COL4A2: variants seen among roughly 807,000 people sequenced by gnomAD.
The protein encoded by COL4A2 is collagen alpha-2(IV) chain.
A neutral mutation model predicts 200.2 loss-of-function variants in COL4A2; 99 were observed. That is an observed-to-expected ratio of 0.49 (90% confidence interval 0.42 to 0.58). The LOEUF is 0.58. COL4A2 is among the 20% of genes least tolerant of loss of function. The pLI is 0.00. For missense variants in COL4A2, 1,950 were observed against 2,314.1 expected (o/e 0.84, Z 3.23); for synonymous variants, 897 against 900.6 (o/e 1.00, Z 0.07).
At chr13:110,374,684 A>G (rs1878160608) in intron 4 of COL4A2, among the ~76,000 whole-genome samples, 1 of 152,154 alleles carries the variant, frequency 6.6e-6, no homozygotes, top group Non-Finnish European at 1.5e-5. Context: ...AAGGTTCTCC[A>G]AATATAGCAA....
At chr13:110,310,362 G>A (rs1303376181) in intron 3 of COL4A2, among the ~76,000 whole-genome samples, 1 of 152,206 alleles carries the variant, frequency 6.6e-6, no homozygotes, top group Non-Finnish European at 1.5e-5. Flanking sequence ...CTCCCCACAT[G>A]ATACCAGAAT....
At chr13:110,425,568 G>A (rs1028745273) in intron 6 of COL4A2, among the ~76,000 whole-genome samples, 5 of 152,220 alleles carry the variant, frequency 3.3e-5, no homozygotes, top group Admixed American at 1.3e-4. Context: ...GGACCCACGA[G>A]CAGATTTCCC....
In COL4A2 at chr13:110,450,331, A is replaced by G. The variant is rs1566539898; in HGVS notation, c.1216A>G (p.Met406Val). 30 of 1,613,780 alleles carry G rather than the reference A, an allele frequency of 1.9e-5. No homozygotes were observed. The highest frequency in any genetic ancestry group is 4.0e-5 in the African/African-American group (3 of 74,992). ...GDQRRGLPGE[M>V]GPKGFIGDPG... ...TCAGAGGAGAGGCCTGCCGGGTGAGATGGGACCCAAGGGCTTCATCGGAGA... is the reference window on the plus strand; with the variant it reads ...TCAGAGGAGAGGCCTGCCGGGTGAGGTGGGACCCAAGGGCTTCATCGGAGA... The change falls in exon 20 of 48, where the codon ATG becomes GTG. Residue 406 changes from methionine to valine, a missense_variant. This residue lies in a region of COL4A2 where 565 missense variants were observed against 593.5 expected (regional missense o/e 0.95). Transcript: ENST00000360467.
intron 29 of COL4A2, among the ~76,000 whole-genome samples, chr13:110,474,788 C>A (rs1882629492): frequency 1.3e-5 from 2 of 148,486 alleles, no homozygotes; most frequent in Non-Finnish European, 3.0e-5. Flanking sequence ...CACACACGTG[C>A]CTGTGTACAC....
chr13:110,364,730 T>G (rs1268208915), intron 4 of COL4A2, among the ~76,000 whole-genome samples: 3 of 152,220 alleles, frequency 2.0e-5, no homozygotes, highest in Admixed American at 6.5e-5. Flanking sequence ...CTATCTAGAA[T>G]AGTCTTACAC....
intron 16 of COL4A2, among the ~76,000 whole-genome samples, chr13:110,442,778 G>C (rs1881175889): frequency 1.1e-5 from 1 of 91,890 alleles, no homozygotes; most frequent in Non-Finnish European, 2.6e-5. Context: ...CATATCTTTA[G>C]TAACTGAGCA....
chr13:110,386,315 A>AT (rs761575686), intron 4 of COL4A2, among the ~76,000 whole-genome samples: 1 of 152,240 alleles, frequency 6.6e-6, no homozygotes, highest in Non-Finnish European at 1.5e-5. Context: ...TTTCGGACAC[A>AT]TGCTCAAGTT....
chr13:110,455,109 G>T (rs970495343), intron 20 of COL4A2, among the ~76,000 whole-genome samples: 1 of 152,096 alleles, frequency 6.6e-6, no homozygotes, highest in East Asian at 1.9e-4. Context: ...AGCCTGCTAG[G>T]ATGGCACCCG....
chr13:110,416,529 A>G (rs1306736866), intron 4 of COL4A2, among the ~76,000 whole-genome samples: 1 of 152,258 alleles, frequency 6.6e-6, no homozygotes, highest in Non-Finnish European at 1.5e-5. Context: ...GCAAAATCAT[A>G]TCCAGAATAT....
At chr13:110,406,153 A>G (rs184048775) in intron 4 of COL4A2, among the ~76,000 whole-genome samples, 55 of 152,330 alleles carry the variant, frequency 3.6e-4, no homozygotes, top group Admixed American at 2.7e-3. Flanking sequence ...GACAGCATTC[A>G]CCATAATTCC....
Position 110,473,055 on chromosome 13 carries a change from TG to T in COL4A2, c.2333del (p.Gly778GlufsTer42). 1 of 1,528,302 alleles carries T rather than the reference TG, an allele frequency of 6.5e-7. No homozygotes were observed. The highest frequency in any genetic ancestry group is 8.8e-7 in the Non-Finnish European group (1 of 1,137,820). 94.7% of individuals were successfully genotyped at this position (1,528,302 alleles called of 1,614,324 possible). Reference sequence around the variant, plus strand: ...GAAAGGGGCCTCCCTGGAGAAGTCCTGGGAGCTCAGCCCGGGCCACGGGGAG... The same window carrying T: ...GAAAGGGGCCTCCCTGGAGAAGTCCTGGAGCTCAGCCCGGGCCACGGGGAG... ...PGERGLPGEVLGAQPGPRGDA... is the reference protein window; with the variant it reads ...PGERGLPGEVXGAQPGPRGDA... On this transcript the variant is annotated frameshift_variant, in exon 29 of 48. Coordinates refer to ENST00000360467, the MANE Select transcript of COL4A2 (RefSeq NM_001846.4). LOFTEE classifies it high-confidence loss of function.
intron 3 of COL4A2, 94 bp from the exon 4 acceptor site, chr13:110,357,364 TGAATCGTTTCTAGA>T: frequency 6.9e-7 from 1 of 1,456,330 alleles, no homozygotes; most frequent in South Asian, 1.4e-5. Flanking sequence ...ATGTTTTGAA[TGAATCGTTTCTAGA>T]GTTGGAAGGA....
In COL4A2 at chr13:110,508,023, C is replaced by T. The variant is rs368443057; in HGVS notation, c.4683C>T (p.Asn1561=). Residue 1561 remains asparagine, a synonymous_variant, in exon 47 of 48, where the codon AAC becomes AAT. Coordinates refer to ENST00000360467, the MANE Select transcript of COL4A2 (RefSeq NM_001846.4). The surrounding 1 kb of genome is among the most constrained non-coding windows in gnomAD (Gnocchi z 6.1). ...PGDVCYYASR[N]DKSYWLSTTA... ...ATGTCTGCTACTATGCCAGCCGGAA[C>T]GACAAGTCCTACTGGCTCTCTACCA... 3.0e-5 allele frequency: 48 copies of T among 1,614,224 alleles called. No homozygotes were observed. The highest frequency in any genetic ancestry group is 4.5e-5 in the East Asian group (2 of 44,890).
At chr13:110,510,466 G>T (rs778499764) in intron 47 of COL4A2, among the ~76,000 whole-genome samples, 2 of 151,736 alleles carry the variant, frequency 1.3e-5, no homozygotes, top group Admixed American at 1.3e-4. Context: ...TCAGCCTCTC[G>T]TCCAGGCAAT....
chr13:110,408,401 C>T (rs1879656946), intron 4 of COL4A2, among the ~76,000 whole-genome samples: 1 of 152,192 alleles, frequency 6.6e-6, no homozygotes, highest in African/African-American at 2.4e-5. Context: ...AAAATTTCCT[C>T]CATGACCATG....
chr13:110,370,819 A>C (rs1372604966), intron 4 of COL4A2, among the ~76,000 whole-genome samples: 2 of 152,190 alleles, frequency 1.3e-5, no homozygotes, highest in Admixed American at 6.5e-5. Context: ...ATGGCTATTG[A>C]CCAAAGAGGA....
At position 110,467,089 on chromosome 13, in the gene COL4A2, C is replaced by A. The variant is rs748763232; in HGVS notation, c.2088C>A (p.Gly696=). 1 of 1,613,946 alleles carries A rather than the reference C, an allele frequency of 6.2e-7. No homozygotes were observed. Among genetic ancestry groups the A allele is most frequent in the Non-Finnish European group, 8.5e-7 (1 of 1,180,010 alleles). ...TGCCAGGCCTGCCAGGACCCCCAGG[C>A]CCCACAGGTAATGCACGGAGGGAAC... ...KGLPGLPGPP[G]PTGAKGLRGI... The change falls in exon 27 of 48, where the codon GGC becomes GGA. Residue 696 remains glycine (G), a synonymous_variant. Transcript: ENST00000360467.
chr13:110,484,453 C>T (rs1359302449), intron 32 of COL4A2, among the ~76,000 whole-genome samples: 4 of 152,128 alleles, frequency 2.6e-5, no homozygotes, highest in Admixed American at 2.6e-4. Flanking sequence ...CAGAACCCCC[C>T]GGAGACCTCC....
chr13:110,445,887 G>T lies in COL4A2; in HGVS notation c.1011+5G>T. On this transcript the variant is annotated splice_donor_5th_base_variant and intron_variant, in intron 17 of 47. Transcript: ENST00000360467. ...GATGGACCCCGGGGACCCAAGGTGA[G>T]CCCGTTTCTCATGTCTTTGCCACTT... 1 of 1,614,150 alleles carries T rather than the reference G, an allele frequency of 6.2e-7. No individual in the cohort carries two copies. The highest frequency in any genetic ancestry group is 2.2e-5 in the East Asian group (1 of 44,878).
Sources: gnomAD v4.1 joint callset for allele counts (sites outside exome capture counted in the v4.1 genomes callset) on GRCh38, gnomAD v4.1.1 for gene constraint, gnomAD v4.1.1 regional missense constraint, Gnocchi (gnomAD v3.1) non-coding constraint, MANE v1.5 for transcripts, NCBI Gene and HGNC (gene_info 2026-07-23, HGNC 2026-07-21) for gene names.